KCNQ5: variants seen among roughly 807,000 people sequenced by gnomAD.
The protein encoded by KCNQ5 is potassium voltage-gated channel subfamily Q member 5.
Under a neutral mutation model 98.2 loss-of-function variants are expected in KCNQ5, and 30 were observed. The ratio of observed to expected loss-of-function variants is 0.31; its 90% CI spans 0.23 to 0.41. The LOEUF (loss-of-function observed/expected upper bound fraction) is 0.41. Among genes scored for constraint, KCNQ5 ranks in the 10% least tolerant of loss-of-function variants. The pLI is 1.00. For synonymous variants in KCNQ5, 458 were observed against 449.4 expected (o/e 1.02, Z -0.24); for missense variants, 835 against 1,182.5 (o/e 0.71, Z 4.31).
intron 10 of KCNQ5, among the ~76,000 whole-genome samples, chr6:73,151,569 T>C (rs920853165): frequency 6.6e-6 from 1 of 152,206 alleles, no homozygotes; most frequent in Non-Finnish European, 1.5e-5. Flanking sequence ...CCTTGTTCAT[T>C]GTTGCTGTTT....
At chr6:72,831,022 C>G (rs1351136768) in intron 1 of KCNQ5, among the ~76,000 whole-genome samples, 1 of 152,134 alleles carries the variant, frequency 6.6e-6, no homozygotes, top group Admixed American at 6.5e-5. Flanking sequence ...CAAATCAAAA[C>G]CATGAGATAC....
At chr6:72,827,957 T>G (rs1338029611) in intron 1 of KCNQ5, among the ~76,000 whole-genome samples, 4 of 152,090 alleles carry the variant, frequency 2.6e-5, no homozygotes, top group African/African-American at 4.8e-5. Context: ...GGATATCCAG[T>G]TTTCCCAGCA....
intron 1 of KCNQ5, among the ~76,000 whole-genome samples, chr6:72,719,126 G>C (rs965024225): frequency 2.6e-5 from 4 of 152,190 alleles, no homozygotes; most frequent in Non-Finnish European, 5.9e-5. Flanking sequence ...AGAACCTGCA[G>C]TCTAAATGGA....
chr6:72,768,590 A>G (rs1012997611), intron 1 of KCNQ5, among the ~76,000 whole-genome samples: 28 of 152,192 alleles, frequency 1.8e-4, no homozygotes, highest in African/African-American at 6.3e-4. Context: ...ATGAGTCCAC[A>G]TGGAAAACGG....
intron 1 of KCNQ5, among the ~76,000 whole-genome samples, chr6:72,908,564 G>A (rs1242239290): frequency 1.3e-5 from 2 of 152,066 alleles, no homozygotes; most frequent in Non-Finnish European, 2.9e-5. Context: ...TCCACAGGCA[G>A]ATTTTTCATA....
intron 1 of KCNQ5, among the ~76,000 whole-genome samples, chr6:72,827,860 A>G (rs1776069828): frequency 6.6e-6 from 1 of 152,084 alleles, no homozygotes; most frequent in Admixed American, 6.6e-5. Flanking sequence ...TTATCATTTC[A>G]GGTCCTACAT....
At chr6:72,962,182 AAT>A (rs369197941) in intron 1 of KCNQ5, among the ~76,000 whole-genome samples, 5,992 of 129,196 alleles carry the variant, frequency 0.046, 145 homozygotes, top group Middle Eastern at 0.085. Flanking sequence ...TGTTTCTCTA[AAT>A]ATATATATAT....
chr6:73,106,581 A>G (rs1775011059), intron 6 of KCNQ5, among the ~76,000 whole-genome samples: 1 of 152,184 alleles, frequency 6.6e-6, no homozygotes, highest in African/African-American at 2.4e-5. Context: ...CTGTGTCTTC[A>G]CATCATCTGT....
At chr6:73,000,511 G>C (rs992178401) in intron 1 of KCNQ5, among the ~76,000 whole-genome samples, 1 of 152,146 alleles carries the variant, frequency 6.6e-6, no homozygotes, top group African/African-American at 2.4e-5. Flanking sequence ...TTATAGCCGA[G>C]ATTTAAATCC....
At chr6:72,819,183 G>C (rs915047239) in intron 1 of KCNQ5, among the ~76,000 whole-genome samples, 1 of 151,754 alleles carries the variant, frequency 6.6e-6, no homozygotes, top group African/African-American at 2.4e-5. Context: ...TGGGTACATC[G>C]TAGGTGTATA....
intron 1 of KCNQ5, among the ~76,000 whole-genome samples, chr6:72,737,128 T>C (rs1770891878): frequency 6.6e-6 from 1 of 152,182 alleles, no homozygotes; most frequent in Admixed American, 6.5e-5. Flanking sequence ...GCCCGGCTAA[T>C]TTCTATATTT....
intron 1 of KCNQ5, among the ~76,000 whole-genome samples, chr6:72,655,014 C>T (rs1322848830): frequency 1.4e-5 from 2 of 144,666 alleles, no homozygotes; most frequent in Non-Finnish European, 3.0e-5. Context: ...GTTTAATAGC[C>T]AAGGTCTGTC....
chr6:72,858,402 G>T (rs572181176), intron 1 of KCNQ5, among the ~76,000 whole-genome samples: 77 of 152,048 alleles, frequency 5.1e-4, no homozygotes, highest in African/African-American at 1.8e-3. Context: ...TCCAAGAAAA[G>T]AGACTGTTTT....
intron 2 of KCNQ5, among the ~76,000 whole-genome samples, chr6:73,018,066 T>A (rs1023198094): frequency 1.3e-5 from 2 of 151,978 alleles, no homozygotes; most frequent in East Asian, 3.9e-4. Context: ...GAAAGAGAAA[T>A]CCCAACATAT....
chr6:72,963,577 T>C (rs537155381), intron 1 of KCNQ5, among the ~76,000 whole-genome samples: 1 of 152,344 alleles, frequency 6.6e-6, no homozygotes, highest in East Asian at 1.9e-4. Context: ...AATGATAGTA[T>C]AATAGAAAAC....
intron 1 of KCNQ5, among the ~76,000 whole-genome samples, chr6:72,966,377 G>T (rs1199565596): frequency 6.6e-6 from 1 of 151,690 alleles, no homozygotes; most frequent in Non-Finnish European, 1.5e-5. Context: ...TGGCCAACAT[G>T]GTGAAACCCT....
At chr6:72,848,856 G>T (rs1777122345) in intron 1 of KCNQ5, among the ~76,000 whole-genome samples, 1 of 152,094 alleles carries the variant, frequency 6.6e-6, no homozygotes, top group East Asian at 1.9e-4. Flanking sequence ...GAAGAAGGAC[G>T]TGTTTGCTTC....
intron 1 of KCNQ5, among the ~76,000 whole-genome samples, chr6:72,868,803 T>A (rs1891398): frequency 0.27 from 40,840 of 151,940 alleles, 5,679 homozygotes; most frequent in Non-Finnish European, 0.29. Flanking sequence ...CCCCACTTCC[T>A]AAGGAAGGTA....
chr6:73,182,308 A>ACAACC (rs1778429752), intron 11 of KCNQ5, among the ~76,000 whole-genome samples: 1 of 152,230 alleles, frequency 6.6e-6, no homozygotes, highest in Non-Finnish European at 1.5e-5. Context: ...CAAAGACCAT[A>ACAACC]CAACCCACAA....
Sources: gnomAD v4.1 joint callset for allele counts (sites outside exome capture counted in the v4.1 genomes callset) on GRCh38, gnomAD v4.1.1 for gene constraint, MANE v1.5 for transcripts, NCBI Gene and HGNC (gene_info 2026-07-23, HGNC 2026-07-21) for gene names.